Variants in SH3BP5 observed in about 807,000 individuals in gnomAD.
SH3BP5 encodes SH3 domain-binding protein 5.
SH3BP5 carries 22 observed loss-of-function variants against 43.3 expected under a neutral mutation model. The observed-to-expected ratio is 0.51, with a 90% CI of 0.36 to 0.73. SH3BP5 has a LOEUF of 0.73. Ranked by LOEUF, SH3BP5 falls within the 30% of genes least tolerant of loss-of-function variation. SH3BP5 has a pLI of 0.00. For synonymous variants in SH3BP5, 255 were observed against 225.8 expected (o/e 1.13, Z -1.16); for missense variants, 529 against 586.9 (o/e 0.90, Z 1.02).
intron 3 of SH3BP5, among the ~76,000 whole-genome samples, chr3:15,292,283 T>C (rs1393444101): frequency 6.6e-6 from 1 of 152,192 alleles, no homozygotes; most frequent in East Asian, 1.9e-4. Context: ...CACTATGCTG[T>C]GGTGACAAAC....
intron 3 of SH3BP5, among the ~76,000 whole-genome samples, chr3:15,285,699 A>G (rs1219210783): frequency 1.3e-5 from 2 of 152,248 alleles, no homozygotes; most frequent in African/African-American, 4.8e-5. Flanking sequence ...ATGGTAGAGA[A>G]GCTGCACTTA....
chr3:15,316,219 CTT>C (rs577644493), intron 2 of SH3BP5, among the ~76,000 whole-genome samples: 2 of 81,686 alleles, frequency 2.4e-5, no homozygotes, highest in African/African-American at 5.2e-5. Flanking sequence ...AAAAGACTCG[CTT>C]TTTTTTTTTT....
rs758482551 is a variant in SH3BP5 at position 15,304,088 on chromosome 3, A to G, written c.330+15T>C. 1 of 1,610,328 alleles carries G rather than the reference A, an allele frequency of 6.2e-7. No individual in the cohort carries two copies. The highest frequency in any genetic ancestry group is 8.5e-7 in the Non-Finnish European group (1 of 1,176,980). On this transcript the variant is annotated intron_variant, in intron 3 of 8. Coordinates refer to ENST00000383791, the MANE Select transcript of SH3BP5 (RefSeq NM_004844.5). ...GAGGCTCGAGGTAGGGGAGACATCT[A>G]TGGGGCTATCTTACCTGCCTCGCCA...
intron 1 of SH3BP5, among the ~76,000 whole-genome samples, chr3:15,331,046 C>T (rs1698596605): frequency 2.0e-5 from 3 of 152,210 alleles, no homozygotes; most frequent in African/African-American, 4.8e-5. Context: ...TCTTTTCACA[C>T]TGCCAATTAT....
intron 4 of SH3BP5, among the ~76,000 whole-genome samples, chr3:15,266,435 A>G (rs140642518): frequency 3.2e-4 from 48 of 152,282 alleles, no homozygotes; most frequent in Non-Finnish European, 5.7e-4. Context: ...TCCAAGTCAC[A>G]TTTCCCTCTT....
chr3:15,323,767 G>T (rs960794722), intron 2 of SH3BP5, among the ~76,000 whole-genome samples: 2 of 152,158 alleles, frequency 1.3e-5, no homozygotes, highest in African/African-American at 2.4e-5. Flanking sequence ...TAAAGAAGAA[G>T]AAATTGAGGC....
chr3:15,295,000 T>A (rs1697528720), intron 3 of SH3BP5, among the ~76,000 whole-genome samples: 1 of 152,124 alleles, frequency 6.6e-6, no homozygotes, highest in Non-Finnish European at 1.5e-5. Flanking sequence ...CCAGCCACCC[T>A]TCCTCTTGTG....
intron 2 of SH3BP5, among the ~76,000 whole-genome samples, chr3:15,320,336 A>AC (rs1698290394): frequency 6.6e-6 from 1 of 152,190 alleles, no homozygotes; most frequent in East Asian, 1.9e-4. Context: ...AGGAAAAAAA[A>AC]ATCAGGCAAG....
intron 3 of SH3BP5, among the ~76,000 whole-genome samples, chr3:15,274,496 G>A (rs1198467047): frequency 6.6e-6 from 1 of 151,484 alleles, no homozygotes; most frequent in East Asian, 1.9e-4. Context: ...TTTTTTTGTT[G>A]GTTGGTTGGT....
intron 3 of SH3BP5, among the ~76,000 whole-genome samples, chr3:15,285,894 T>G (rs1230805228): frequency 6.6e-6 from 1 of 152,218 alleles, no homozygotes; most frequent in Non-Finnish European, 1.5e-5. Flanking sequence ...TAACTTTGCT[T>G]CTGGATCAGC....
At chr3:15,340,784 G>T (rs1476043452) in intron 1 of SH3BP5, among the ~76,000 whole-genome samples, 2 of 151,924 alleles carry the variant, frequency 1.3e-5, no homozygotes. Flanking sequence ...CAGGTGCAGT[G>T]GCTCACACCT....
chr3:15,280,128 C>CAGT (rs1426911653), intron 3 of SH3BP5, among the ~76,000 whole-genome samples: 1 of 152,274 alleles, frequency 6.6e-6, no homozygotes. Context: ...AAGCAGCTTA[C>CAGT]AGGGCCTGCC....
upstream of SH3BP5, among the ~76,000 whole-genome samples, chr3:15,337,126 G>A (rs1402661564): frequency 1.6e-5 from 2 of 122,742 alleles, no homozygotes; most frequent in Non-Finnish European, 1.6e-5. Context: ...GTCGCGCTAT[G>A]TCACCCAGGC....
chr3:15,276,760 C>G (rs1258658657), intron 3 of SH3BP5, among the ~76,000 whole-genome samples: 2 of 152,214 alleles, frequency 1.3e-5, no homozygotes, highest in Admixed American at 1.3e-4. Context: ...CACAAACCTA[C>G]AGGTCTGGAT....
At chr3:15,282,523 C>T (rs1450230273) in intron 3 of SH3BP5, among the ~76,000 whole-genome samples, 1 of 151,884 alleles carries the variant, frequency 6.6e-6, no homozygotes, top group African/African-American at 2.4e-5. Flanking sequence ...ATGTCACTGG[C>T]TTAAGCAATA....
intron 7 of SH3BP5, chr3:15,258,418 C>A: frequency 4.4e-6 from 1 of 226,166 alleles, no homozygotes; most frequent in South Asian, 6.4e-5. Flanking sequence ...CAGTAGATAG[C>A]GTCATACTCC....
chr3:15,339,580 T>C (rs1698739292), intron 1 of SH3BP5, among the ~76,000 whole-genome samples: 1 of 152,042 alleles, frequency 6.6e-6, no homozygotes, highest in African/African-American at 2.4e-5. Flanking sequence ...CACTGTGGCA[T>C]GCGACTGTAG....
intron 3 of SH3BP5, among the ~76,000 whole-genome samples, chr3:15,289,642 A>G (rs1447735001): frequency 4.6e-5 from 7 of 152,234 alleles, no homozygotes; most frequent in Non-Finnish European, 7.3e-5. Flanking sequence ...TAGATGATAC[A>G]GCTATTATTT....
intron 7 of SH3BP5, 54 bp downstream of exon 7, chr3:15,258,777 A>G: frequency 6.6e-7 from 1 of 1,505,578 alleles, no homozygotes; most frequent in Non-Finnish European, 9.2e-7. Flanking sequence ...ACCTTGGGAA[A>G]CAAATCACAC....
Sources: gnomAD v4.1 joint callset for allele counts (sites outside exome capture counted in the v4.1 genomes callset) on GRCh38, gnomAD v4.1.1 for gene constraint, MANE v1.5 for transcripts, NCBI Gene and HGNC (gene_info 2026-07-23, HGNC 2026-07-21) for gene names.